The following AGMO variants were observed in gnomAD, a reference collection of about 807,000 sequenced individuals.
AGMO encodes alkylglycerol monooxygenase.
A neutral mutation model predicts 60.2 loss-of-function variants in AGMO; 75 were observed. The ratio of observed to expected loss-of-function variants is 1.25; its 90% confidence interval spans 1.03 to 1.51. The LOEUF is 1.51. AGMO is among the 40% of genes most tolerant of loss of function. The probability of loss-of-function intolerance (pLI) is 0.00; values close to 1 mark genes in which losing one functional copy is unlikely to be tolerated. For missense variants in AGMO, 763 were observed against 525.5 expected (o/e 1.45, Z -4.42); for synonymous variants, 261 against 177.1 (o/e 1.47, Z -3.76).
the AGMO span, among the ~76,000 whole-genome samples, chr7:15,118,209 C>CACACACACACAT: frequency 6.0e-5 from 9 of 149,490 alleles, no homozygotes; most frequent in East Asian, 1.4e-3. Flanking sequence ...CACACACACA[C>CACACACACACAT]ATATATACAA....
chr7:15,196,099 G>A (rs546831928), downstream of AGMO, among the ~76,000 whole-genome samples: 74 of 151,884 alleles, frequency 4.9e-4, no homozygotes, highest in African/African-American at 1.5e-3. Context: ...CTGGAATGCA[G>A]TGGTGTGATC....
chr7:15,390,857 A>G lies in AGMO; in HGVS notation c.725T>C (p.Ile242Thr), dbSNP rs1265085658. The G allele has an allele frequency of 3.1e-6, 5 of 1,605,146 alleles. No homozygotes were observed. The highest frequency in any genetic ancestry group is 4.3e-6 in the Non-Finnish European group (5 of 1,174,882). ...TTACTTACCAAAAATTTTATCCCAAATAATAAGAACACCAGCATAATTTTT... is the reference window on the plus strand; with the variant it reads ...TTACTTACCAAAAATTTTATCCCAAGTAATAAGAACACCAGCATAATTTTT... Reference protein sequence around the residue: ...IDKNYAGVLIIWDKIFGTFEA... With the variant: ...IDKNYAGVLITWDKIFGTFEA... Residue 242 changes from isoleucine (I) to threonine (T), a missense_variant, in exon 7 of 13, where the codon ATT becomes ACT. Transcript: ENST00000342526.
intron 3 of AGMO, among the ~76,000 whole-genome samples, chr7:15,444,483 C>G (rs1363080524): frequency 6.6e-6 from 1 of 152,158 alleles, no homozygotes; most frequent in Non-Finnish European, 1.5e-5. Context: ...CAATTATTGG[C>G]CTTCTTGCCA....
the AGMO span, among the ~76,000 whole-genome samples, chr7:15,124,309 C>T: frequency 6.6e-6 from 1 of 151,910 alleles, no homozygotes; most frequent in Non-Finnish European, 1.5e-5. Context: ...AGCCATGGTG[C>T]CTCCTTGGTA....
In AGMO at chr7:15,531,231, ATATATATTC is replaced by A. The variant is rs1378104940; in HGVS notation, c.409+13532_409+13540del. Among the ~76,000 whole-genome samples the A allele has an allele frequency of 4.7e-5, 4 of 85,448 alleles. No individual in the cohort carries two copies. In the South Asian group the frequency reaches 1.1e-3, roughly 23 times the overall value. 56.1% of individuals were successfully genotyped at this position (85,448 alleles called of 152,430 possible). A position where few individuals can be genotyped will look rare whatever the true frequency, so the allele number is the denominator to read the frequency against. Reference sequence around the variant, plus strand: ...TCTATATATTCTATATATATTCTATATATATATTCTATATATTCTATATATATTCTATAT... The same window carrying A: ...TCTATATATTCTATATATATTCTATATATATATTCTATATATATTCTATAT... On this transcript the variant is annotated intron_variant, in intron 3 of 12. Coordinates refer to ENST00000342526, the MANE Select transcript of AGMO (RefSeq NM_001004320.2).
At chr7:15,194,756 A>G in the AGMO span, among the ~76,000 whole-genome samples, 1 of 152,190 alleles carries the variant, frequency 6.6e-6, no homozygotes, top group Admixed American at 6.6e-5. Context: ...GATTTTATGC[A>G]TCTTGCAGCC....
the AGMO span, among the ~76,000 whole-genome samples, chr7:15,189,151 G>C: frequency 2.0e-5 from 3 of 152,068 alleles, no homozygotes; most frequent in South Asian, 2.1e-4. Context: ...GAGGGGCATT[G>C]GGGAAAATGA....
intron 9 of AGMO, among the ~76,000 whole-genome samples, chr7:15,386,117 G>C (rs1783900061): frequency 6.6e-6 from 1 of 151,936 alleles, no homozygotes; most frequent in Non-Finnish European, 1.5e-5. Context: ...GTAGGCAGAG[G>C]CTGCAGTGAG....
intron 12 of AGMO, among the ~76,000 whole-genome samples, chr7:15,325,782 T>C (rs1781320412): frequency 6.6e-6 from 1 of 152,212 alleles, no homozygotes; most frequent in Admixed American, 6.5e-5. Flanking sequence ...TATTAATTTT[T>C]CATTAGGATT....
At chr7:15,190,123 ATATT>A in the AGMO span, among the ~76,000 whole-genome samples, 1 of 1,702 alleles carries the variant, frequency 5.9e-4, no homozygotes, top group Non-Finnish European at 1.1e-3. Flanking sequence ...ATATATATAT[ATATT>A]TATATATATA....
chr7:15,249,698 A>G (rs1291096432), intron 12 of AGMO, among the ~76,000 whole-genome samples: 2 of 151,874 alleles, frequency 1.3e-5, no homozygotes, highest in Admixed American at 1.3e-4. Context: ...GATGGGGGGG[A>G]AATAAAAGGG....
the AGMO span, among the ~76,000 whole-genome samples, chr7:15,185,822 G>A: frequency 6.6e-6 from 1 of 152,184 alleles, no homozygotes; most frequent in Non-Finnish European, 1.5e-5. Context: ...CACTGTATTT[G>A]AGACTTATTA....
At chr7:15,260,212 GA>G (rs753533328) in intron 12 of AGMO, among the ~76,000 whole-genome samples, 7,677 of 109,882 alleles carry the variant, frequency 0.07, 280 homozygotes, top group African/African-American at 0.14. Flanking sequence ...ACAGAGCGAG[GA>G]AAAAAAAAAA....
At chr7:15,212,048 T>C (rs373226049) in intron 12 of AGMO, among the ~76,000 whole-genome samples, 6 of 151,994 alleles carry the variant, frequency 3.9e-5, no homozygotes, top group South Asian at 4.1e-4. Context: ...TGGAGAATTA[T>C]TGTTCCATAT....
chr7:15,137,092 T>C, the AGMO span, among the ~76,000 whole-genome samples: 1 of 152,220 alleles, frequency 6.6e-6, no homozygotes, highest in Non-Finnish European at 1.5e-5. Context: ...TGGTTGTGAA[T>C]TTTCTGGTTA....
At chr7:15,184,341 GGAAA>G in the AGMO span, among the ~76,000 whole-genome samples, 5 of 78,374 alleles carry the variant, frequency 6.4e-5, no homozygotes, top group African/African-American at 1.2e-4. Context: ...AAGGAAGGAA[GGAAA>G]GAAGGGAGGG....
chr7:15,456,877 C>A (rs996158384), intron 3 of AGMO, among the ~76,000 whole-genome samples: 1 of 152,058 alleles, frequency 6.6e-6, no homozygotes, highest in Non-Finnish European at 1.5e-5. Flanking sequence ...TGTTGCAGTA[C>A]CTTCCATTTA....
intron 12 of AGMO, among the ~76,000 whole-genome samples, chr7:15,336,965 T>A (rs1421962369): frequency 6.6e-6 from 1 of 152,176 alleles, no homozygotes; most frequent in Non-Finnish European, 1.5e-5. Flanking sequence ...AAAACATGTG[T>A]GAGATTGTCA....
chr7:15,354,502 A>ACGCGTG (rs1201404672), intron 12 of AGMO, among the ~76,000 whole-genome samples: 229 of 21,128 alleles, frequency 0.011, 11 homozygotes, highest in Non-Finnish European at 0.015. Context: ...ACGTGTATAT[A>ACGCGTG]TATATATATA....
Sources: gnomAD v4.1 joint callset for allele counts (sites outside exome capture counted in the v4.1 genomes callset) on GRCh38, gnomAD v4.1.1 for gene constraint, MANE v1.5 for transcripts, NCBI Gene and HGNC (gene_info 2026-07-23, HGNC 2026-07-21) for gene names.